The following CUL2 variants were observed in gnomAD, a reference collection of about 807,000 sequenced individuals.
CUL2 encodes cullin 2.
In CUL2, 22 loss-of-function variants were observed where a neutral mutation model predicts 110.2. The ratio of observed to expected loss-of-function variants is 0.20; its 90% confidence interval spans 0.14 to 0.28. The LOEUF (loss-of-function observed/expected upper bound fraction) is 0.28. Ranked by LOEUF, CUL2 falls within the 10% of genes least tolerant of loss-of-function variation. The pLI, the probability that CUL2 is intolerant of heterozygous loss-of-function variation, is 1.00. For missense variants in CUL2, 631 were observed against 905.5 expected, an observed-to-expected ratio of 0.70 and a Z score of 3.89; for synonymous variants, 279 against 293.2, an observed-to-expected ratio of 0.95 and a Z score of 0.49.
intron 17 of CUL2, among the ~76,000 whole-genome samples, chr10:35,020,366 A>G (rs1486630524): frequency 6.6e-6 from 1 of 152,190 alleles, no homozygotes; most frequent in Non-Finnish European, 1.5e-5. Flanking sequence ...AAATTTGAAT[A>G]TGGACTGGAC....
intron 8 of CUL2, among the ~76,000 whole-genome samples, chr10:35,042,447 T>C (rs2085817864): frequency 1.3e-5 from 2 of 152,288 alleles, no homozygotes; most frequent in East Asian, 3.9e-4. Flanking sequence ...AGTTATAATG[T>C]TGAGTGTGTT....
chr10:35,108,304 A>C (rs2087487672), intron 1 of CUL2, among the ~76,000 whole-genome samples: 1 of 151,852 alleles, frequency 6.6e-6, no homozygotes, highest in African/African-American at 2.4e-5. Context: ...AAAAATAGAA[A>C]AAATTAGTGG....
chr10:35,083,136 G>A (rs1347235967), intron 1 of CUL2, among the ~76,000 whole-genome samples: 2 of 142,798 alleles, frequency 1.4e-5, no homozygotes, highest in African/African-American at 5.3e-5. Context: ...CAGCCTGCAT[G>A]AGAGCAAGAC....
At position 35,008,876 on chromosome 10, in the gene CUL2, A is replaced by G. The variant is rs1051678932; in HGVS notation, c.*1435T>C. On this transcript the variant is annotated 3_prime_UTR_variant, in exon 21 of 21. Coordinates refer to ENST00000374749, the MANE Select transcript of CUL2 (RefSeq NM_003591.4). The stretch of plus-strand genomic sequence containing the variant: ...TCACTGTGGATTTTTTAAAGGCCTT[A>G]CTGAAGTATTATAAGTGAAATAATT... The G allele has an allele frequency of 3.9e-5, 6 of 152,278 alleles. No homozygotes were observed. In the East Asian group the frequency reaches 1.2e-3, roughly 29 times the overall value. The allele number at this position is 152,278 out of a possible 1,614,324, so 9.4% of individuals were successfully genotyped here. A position where few individuals can be genotyped will look rare whatever the true frequency, so the allele number is the denominator to read the frequency against.
chr10:35,074,504 CT>C (rs892594917), intron 1 of CUL2, among the ~76,000 whole-genome samples: 17 of 151,532 alleles, frequency 1.1e-4, no homozygotes, highest in Admixed American at 9.2e-4. Flanking sequence ...GGTCCACTAG[CT>C]TTTTTTTTGT....
chr10:35,122,640 A>AT (rs1324418461), intron 1 of CUL2, among the ~76,000 whole-genome samples: 1 of 151,376 alleles, frequency 6.6e-6, no homozygotes. Flanking sequence ...ATTTTATTTT[A>AT]TTTATTTATT....
chr10:35,083,520 A>C, intron 1 of CUL2, among the ~76,000 whole-genome samples: 1 of 152,204 alleles, frequency 6.6e-6, no homozygotes, highest in East Asian at 1.9e-4. Context: ...CTCCTTGGAA[A>C]AGTGATTGAT....
intron 9 of CUL2, among the ~76,000 whole-genome samples, chr10:35,037,134 A>G (rs183646859): frequency 6.6e-6 from 1 of 152,336 alleles, no homozygotes; most frequent in Non-Finnish European, 1.5e-5. Context: ...ATTATCTTCT[A>G]GAAGTGTTAT....
At position 35,028,873 on chromosome 10, in the gene CUL2, A is replaced by G. The variant is rs1430339232; in HGVS notation, c.1554T>C (p.Pro518=). Residue 518 remains proline (P), a synonymous_variant, in exon 16 of 21, where the codon CCT becomes CCC. Transcript: ENST00000374749. The part of the protein sequence containing the change: ...QIYVLQAGAW[P]LTQAPSSTFA... ...ACGTAGATGAAGGAGCCTGAGTAAG[A>G]GGCCACGCACCAGCCTAGAAGGAAA... 2 of 1,610,086 alleles carry G rather than the reference A, an allele frequency of 1.2e-6. No individual in the cohort carries two copies. The highest frequency in any genetic ancestry group is 2.2e-5 in the East Asian group (1 of 44,812).
Position 35,009,290 on chromosome 10 carries a change from A to T in CUL2, c.*1021T>A, listed in dbSNP as rs1360764826. 6.6e-6 allele frequency: 1 copy of T among 151,120 alleles called. No individual in the cohort carries two copies. Among genetic ancestry groups the T allele is most frequent in the Non-Finnish European group, 1.5e-5 (1 of 67,844 alleles). 9.4% of individuals were successfully genotyped at this position (151,120 alleles called of 1,614,324 possible). A position where few individuals can be genotyped will look rare whatever the true frequency, so the allele number is the denominator to read the frequency against. ...AATGTACAATTTTCTTTTTTAAAAA[A>T]GTATTTAGGTTATGCATTGCTAAGC... On this transcript the variant is annotated 3_prime_UTR_variant, in exon 21 of 21. Transcript: ENST00000374749.
In CUL2 at chr10:35,096,024, G is replaced by T. The variant is rs117610167; in HGVS notation, c.167+4820C>A. On this transcript the variant is annotated intron_variant, in intron 2 of 5. Coordinates refer to the CUL2 transcript ENST00000685421. Reference sequence around the variant, plus strand: ...GCACTTTCGGAGTCCGAGGCGGGTGGATTGCTCGAGGCCAGGACCTTGAGA... The same window carrying T: ...GCACTTTCGGAGTCCGAGGCGGGTGTATTGCTCGAGGCCAGGACCTTGAGA... 7.8e-3 allele frequency among the ~76,000 whole-genome samples: 1,183 copies of T among 152,156 alleles called. 8 individuals carry two copies. The highest frequency in any genetic ancestry group is 0.013 in the Non-Finnish European group (875 of 68,002).
At position 35,031,427 on chromosome 10, in the gene CUL2, T is replaced by A; in HGVS notation, c.1300-41A>T. ...TTTTAAAAGATTACTTCCTTTCTAA[T>A]GATTTAGCATTCAGAAATAAAGTTG... On this transcript the variant is annotated intron_variant, in intron 13 of 20. Transcript: ENST00000374749. This position sits in a 1 kb window ranked among gnomAD's most constrained non-coding sequence, Gnocchi z 4.4. 13 of 1,594,950 alleles carry A rather than the reference T, an allele frequency of 8.2e-6. No individual in the cohort carries two copies. Among genetic ancestry groups the A allele is most frequent in the Non-Finnish European group, 1.1e-5 (13 of 1,169,404 alleles).
intron 2 of CUL2, among the ~76,000 whole-genome samples, chr10:35,100,364 A>C (rs2135105982): frequency 6.6e-6 from 1 of 152,324 alleles, no homozygotes; most frequent in African/African-American, 2.4e-5. Context: ...TCACTTGAAG[A>C]CTACATCCTC....
intron 1 of CUL2, among the ~76,000 whole-genome samples, chr10:35,110,097 C>T (rs2087507964): frequency 1.3e-5 from 2 of 151,938 alleles, no homozygotes; most frequent in Non-Finnish European, 2.9e-5. Flanking sequence ...ATCACTTGAG[C>T]CTGGGAGGTC....
chr10:35,116,104 A>G (rs1425720049), intron 1 of CUL2, among the ~76,000 whole-genome samples: 4 of 152,132 alleles, frequency 2.6e-5, no homozygotes, highest in Non-Finnish European at 5.9e-5. Context: ...GCACTTTGGG[A>G]GGCCGAGGTG....
chr10:35,119,046 C>T (rs1448421880), intron 1 of CUL2, among the ~76,000 whole-genome samples: 9 of 152,226 alleles, frequency 5.9e-5, no homozygotes, highest in Non-Finnish European at 1.0e-4. Flanking sequence ...TTCTGACCTA[C>T]TCCTTAAAGG....
intron 1 of CUL2, among the ~76,000 whole-genome samples, chr10:35,109,557 A>G (rs1007709706): frequency 2.0e-5 from 3 of 152,354 alleles, no homozygotes; most frequent in African/African-American, 7.2e-5. Flanking sequence ...TACATTAGCT[A>G]AGGCCATTAG....
At chr10:35,065,777 T>C (rs1345497708) in intron 2 of CUL2, among the ~76,000 whole-genome samples, 1 of 151,948 alleles carries the variant, frequency 6.6e-6, no homozygotes, top group Non-Finnish European at 1.5e-5. Context: ...GAGAATTGCT[T>C]AAACTCAGGA....
At chr10:35,035,037 C>T in intron 10 of CUL2, 135 bp downstream of exon 10, 1 of 1,076,302 alleles carries the variant, frequency 9.3e-7, no homozygotes, top group Non-Finnish European at 1.3e-6. Context: ...AGGTTTAAAA[C>T]ATTTGAATAA....
Sources: allele counts gnomAD v4.1 joint callset (sites outside exome capture counted in the v4.1 genomes callset), GRCh38; gene constraint gnomAD v4.1.1; non-coding constraint Gnocchi (gnomAD v3.1); transcripts MANE v1.5; gene names NCBI Gene and HGNC (gene_info 2026-07-23, HGNC 2026-07-21).